The following MILR1 variants were observed in gnomAD, a reference collection of about 807,000 sequenced individuals.
The protein encoded by MILR1 is mast cell immunoglobulin like receptor 1.
MILR1 carries 31 observed loss-of-function variants against 18.5 expected under a neutral mutation model. The ratio of observed to expected loss-of-function variants is 1.68; its 90% CI spans 1.26 to 2.26. The LOEUF is 2.26. Ranked by LOEUF, MILR1 falls within the 30% of genes most tolerant of loss-of-function variation. The pLI, the probability that MILR1 is intolerant of heterozygous loss-of-function variation, is 0.00. For missense variants in MILR1, 257 were observed against 157.4 expected, an observed-to-expected ratio of 1.63 and a Z score of -3.38; for synonymous variants, 85 against 56.2, an observed-to-expected ratio of 1.51 and a Z score of -2.30.
At chr17:64,461,902 C>T (rs1401292173) in intron 5 of MILR1, among the ~76,000 whole-genome samples, 9 of 152,182 alleles carry the variant, frequency 5.9e-5, no homozygotes, top group Non-Finnish European at 1.5e-5. Flanking sequence ...CGATTAATGT[C>T]CTCAAGGTTC....
chr17:64,496,552 TA>T, the MILR1 span: 5 of 1,613,108 alleles, frequency 3.1e-6, no homozygotes, highest in Non-Finnish European at 4.2e-6. Context: ...TGTCCCCGGG[TA>T]GCAAAGGGCC....
chr17:64,486,666 G>A, the MILR1 span, among the ~76,000 whole-genome samples: 20 of 152,164 alleles, frequency 1.3e-4, no homozygotes, highest in East Asian at 3.5e-3. Context: ...GCCCTACCTC[G>A]AAAGGTAACA....
chr17:64,459,260 CCT>C (rs1488981005), intron 4 of MILR1, among the ~76,000 whole-genome samples: 1 of 152,078 alleles, frequency 6.6e-6, no homozygotes, highest in African/African-American at 2.4e-5. Context: ...TGGCAAAACC[CCT>C]GTCTCTACAG....
the MILR1 span, among the ~76,000 whole-genome samples, chr17:64,474,364 C>A: frequency 6.6e-6 from 1 of 151,748 alleles, no homozygotes. Context: ...CGTGAGCCAC[C>A]GTGCCCGGCC....
chr17:64,472,465 CAAAAAA>C (rs71158332), downstream of MILR1, among the ~76,000 whole-genome samples: 51 of 13,896 alleles, frequency 3.7e-3, no homozygotes, highest in African/African-American at 6.8e-3. Context: ...GACTCCATCT[CAAAAAA>C]AAAAAAAAAA....
the MILR1 span, among the ~76,000 whole-genome samples, chr17:64,493,538 G>A: frequency 4.6e-5 from 7 of 152,008 alleles, no homozygotes; most frequent in Admixed American, 4.6e-4. Flanking sequence ...AGGCTGGAGT[G>A]CAGTGGCAGG....
downstream of MILR1, among the ~76,000 whole-genome samples, chr17:64,473,305 C>G (rs1005359424): frequency 1.3e-5 from 2 of 149,518 alleles, no homozygotes; most frequent in Non-Finnish European, 2.9e-5. Context: ...GAGCCCAGAT[C>G]GCGCCACTGC....
At chr17:64,458,631 C>A (rs2144038161) in intron 4 of MILR1, among the ~76,000 whole-genome samples, 1 of 152,084 alleles carries the variant, frequency 6.6e-6, no homozygotes, top group East Asian at 1.9e-4. Context: ...AGGCCTCTGG[C>A]CAAGCCCTGT....
chr17:64,492,911 G>GT, the MILR1 span: 2 of 1,613,876 alleles, frequency 1.2e-6, no homozygotes, highest in Non-Finnish European at 1.7e-6. Context: ...ACACCATTTC[G>GT]TATCTGCTTA....
chr17:64,481,824 G>C, the MILR1 span, among the ~76,000 whole-genome samples: 1 of 151,850 alleles, frequency 6.6e-6, no homozygotes, highest in Middle Eastern at 3.2e-3. Context: ...GCAGTGAGCC[G>C]AGATCGTGCC....
At chr17:64,465,003 G>A (rs1011440239) in intron 5 of MILR1, among the ~76,000 whole-genome samples, 12 of 152,112 alleles carry the variant, frequency 7.9e-5, no homozygotes, top group Non-Finnish European at 1.3e-4. Flanking sequence ...CAGGAAAATC[G>A]CTTGAAACCA....
At chr17:64,455,903 G>C (rs2037287979) in intron 3 of MILR1, among the ~76,000 whole-genome samples, 1 of 152,010 alleles carries the variant, frequency 6.6e-6, no homozygotes, top group Non-Finnish European at 1.5e-5. Flanking sequence ...AGCTAGGCAT[G>C]GTGGTGGGCA....
chr17:64,481,600 C>T, the MILR1 span, among the ~76,000 whole-genome samples: 4 of 152,122 alleles, frequency 2.6e-5, no homozygotes, highest in South Asian at 4.1e-4. Flanking sequence ...AGGCTGCGCA[C>T]GGTGGCTCAC....
At chr17:64,467,935 C>CTAA (rs2037616129) in intron 9 of MILR1, 1 of 152,528 alleles carries the variant, frequency 6.6e-6, no homozygotes, top group Non-Finnish European at 1.2e-5. Context: ...GACTTCATCT[C>CTAA]AAAAAAAAAA....
At position 64,465,540 on chromosome 17, in the gene MILR1, A is replaced by C. The variant is rs1385533444; in HGVS notation, c.852A>C (p.Ala284=). Residue 284 remains alanine, a splice_region_variant and synonymous_variant, in exon 6 of 10, where the codon GCA becomes GCC. Coordinates refer to ENST00000619286, the MANE Select transcript of MILR1 (RefSeq NM_001085423.2). ...ATGCAAATATCCTTGAAAAACAAGC[A>C]AGTAAGAGAACTTTGTTGCGTGTTT... The part of the protein sequence containing the change: ...GIYANILEKQ[A]KEESVPEVGS... 1 of 1,604,030 alleles carries C rather than the reference A, an allele frequency of 6.2e-7. No homozygotes were observed. Among genetic ancestry groups the C allele is most frequent in the African/African-American group, 1.3e-5 (1 of 74,774 alleles).
the MILR1 span, chr17:64,496,602 C>T: frequency 5.6e-6 from 9 of 1,613,722 alleles, no homozygotes; most frequent in Non-Finnish European, 7.6e-6. Context: ...AATACCTGCT[C>T]CCTGAACACC....
At chr17:64,493,560 T>C in the MILR1 span, among the ~76,000 whole-genome samples, 2 of 152,036 alleles carry the variant, frequency 1.3e-5, no homozygotes, top group African/African-American at 4.8e-5. Context: ...TCTCGGCTCA[T>C]TGCAACCTCC....
chr17:64,466,928 T>TTTCC (rs782025123), intron 8 of MILR1, among the ~76,000 whole-genome samples: 8 of 151,560 alleles, frequency 5.3e-5, no homozygotes, highest in Non-Finnish European at 7.4e-5. Context: ...TACTCAAACA[T>TTTCC]TTCCTTCCTT....
the MILR1 span, among the ~76,000 whole-genome samples, chr17:64,489,410 T>C: frequency 6.7e-6 from 1 of 150,118 alleles, no homozygotes; most frequent in Admixed American, 6.7e-5. Flanking sequence ...GCAAACCTCA[T>C]CGTAGTAACT....
Sources: gnomAD v4.1 joint callset for allele counts (sites outside exome capture counted in the v4.1 genomes callset) on GRCh38, gnomAD v4.1.1 for gene constraint, MANE v1.5 for transcripts, NCBI Gene and HGNC (gene_info 2026-07-23, HGNC 2026-07-21) for gene names.